Variants in VDR observed in about 807,000 individuals in gnomAD.
The protein encoded by VDR is vitamin D receptor.
Under a neutral mutation model 39.7 loss-of-function variants are expected in VDR, and 19 were observed. That is an observed-to-expected ratio of 0.48 (90% CI 0.33 to 0.70). VDR has a LOEUF of 0.70. Among genes scored for constraint, VDR ranks in the 30% least tolerant of loss-of-function variants. The pLI is 0.02. For missense variants in VDR, 442 were observed against 570.5 expected (o/e 0.77, Z 2.29); for synonymous variants, 242 against 215.8 (o/e 1.12, Z -1.07).
chr12:47,877,238 A>G (rs1946026449), intron 3 of VDR, among the ~76,000 whole-genome samples: 1 of 151,568 alleles, frequency 6.6e-6, no homozygotes, highest in South Asian at 2.1e-4. Flanking sequence ...AATCACACAA[A>G]CACACACACA....
chr12:47,857,496 A>T lies in VDR; in HGVS notation c.462+8T>A, dbSNP rs370124150. ...GGACCGGCTCATCCTCCCAGCAGGC[A>T]GACATACCCGGAACTGGCAGAAGTC... On this transcript the variant is annotated splice_region_variant and intron_variant, in intron 5 of 9. Coordinates refer to ENST00000549336, the MANE Select transcript of VDR (RefSeq NM_000376.3). The T allele has an allele frequency of 1.4e-5, 22 of 1,614,056 alleles. No homozygotes were observed. Among genetic ancestry groups the T allele is most frequent in the Non-Finnish European group, 1.9e-5 (22 of 1,180,042 alleles).
Position 47,844,851 on chromosome 12 carries a change from G to A in VDR, c.1179C>T (p.Leu393=). 1 of 1,614,218 alleles carries A rather than the reference G, an allele frequency of 6.2e-7. No individual in the cohort carries two copies. ...MIQKLADLRS[L]NEEHSKQYRC... The stretch of plus-strand genomic sequence containing the variant: ...GGTACTGCTTGGAGTGCTCCTCATT[G>A]AGGCTGCGCAGGTCGGCTAGCTTCT... Residue 393 remains leucine (L), a synonymous_variant, in exon 10 of 10, where the codon CTC becomes CTT. Transcript: ENST00000549336.
intron 4 of VDR, among the ~76,000 whole-genome samples, chr12:47,859,921 CTTT>C (rs67136609): frequency 0.023 from 1,534 of 67,332 alleles, 66 homozygotes; most frequent in East Asian, 0.086. Context: ...TTCCTTCTTT[CTTT>C]TTCTTTCTTT....
At chr12:47,882,623 G>GGCCCGGGGGCCCCCCCCC in intron 2 of VDR, 71 bp downstream of exon 2, 1 of 543,282 alleles carries the variant, frequency 1.8e-6, no homozygotes. Flanking sequence ...ACCTTCTTAT[G>GGCCCGGGGGCCCCCCCCC]CCCCTCCCCC....
chr12:47,859,632 C>T (rs930123618), intron 4 of VDR, among the ~76,000 whole-genome samples: 3 of 152,196 alleles, frequency 2.0e-5, no homozygotes, highest in Admixed American at 1.3e-4. Flanking sequence ...TGCTGAGCCT[C>T]ATTTCCTATG....
At chr12:47,859,849 C>T (rs1284054082) in intron 4 of VDR, among the ~76,000 whole-genome samples, 2 of 63,006 alleles carry the variant, frequency 3.2e-5, no homozygotes, top group African/African-American at 7.9e-5. Flanking sequence ...TCCCTTCCTT[C>T]CTTCCTTCCT....
In VDR at chr12:47,870,544, A is replaced by T. The variant is rs1322616999; in HGVS notation, c.147-5367T>A. On this transcript the variant is annotated intron_variant, in intron 3 of 9. Coordinates refer to ENST00000549336, the MANE Select transcript of VDR (RefSeq NM_000376.3). ...TCTAGAAAGCCAGGGGTGAGAGAGG[A>T]CATTGACCGATTCTCATGCCAGAGA... is the stretch of plus-strand genomic sequence containing the variant. Among the ~76,000 whole-genome samples the T allele has an allele frequency of 2.0e-5, 3 of 152,184 alleles. No individual in the cohort carries two copies. The East Asian group carries it at 5.8e-4, about 29-fold the overall frequency.
intron 3 of VDR, among the ~76,000 whole-genome samples, chr12:47,866,252 C>T (rs894184035): frequency 1.3e-5 from 2 of 151,936 alleles, no homozygotes; most frequent in Admixed American, 6.6e-5. Flanking sequence ...GGACTACAGG[C>T]GCCCACCACC....
At chr12:47,890,379 A>ATATATATTATGTATATAATATATATTT (rs1946346546) in intron 1 of VDR, among the ~76,000 whole-genome samples, 3 of 111,912 alleles carry the variant, frequency 2.7e-5, no homozygotes, top group East Asian at 2.2e-4. Flanking sequence ...TATATATTTT[A>ATATATATTATGTATATAATATATATTT]TATATATATA....
At chr12:47,864,203 C>CT (rs537559583) in intron 4 of VDR, among the ~76,000 whole-genome samples, 5 of 152,236 alleles carry the variant, frequency 3.3e-5, no homozygotes, top group Non-Finnish European at 5.9e-5. Flanking sequence ...GCTGGCCTTG[C>CT]TCCAGCCCAG....
At chr12:47,879,748 A>G (rs1234324749) in intron 2 of VDR, among the ~76,000 whole-genome samples, 2 of 152,126 alleles carry the variant, frequency 1.3e-5, no homozygotes, top group Non-Finnish European at 2.9e-5. Flanking sequence ...GACAATCAAC[A>G]TTTCAAGATA....
rs1438954203 is a variant in VDR, at chr12:47,844,321, C to T, written c.*425G>A. Reference sequence around the variant, plus strand: ...TCGTGAGTAGGCAGGAGAGGGAGACCCCACTAGGCGCTGGACAAGCGGGGC... The same window carrying T: ...TCGTGAGTAGGCAGGAGAGGGAGACTCCACTAGGCGCTGGACAAGCGGGGC... On this transcript the variant is annotated 3_prime_UTR_variant, in exon 10 of 10. Coordinates refer to ENST00000549336, the MANE Select transcript of VDR (RefSeq NM_000376.3). 2 of 284,864 alleles carry T rather than the reference C, an allele frequency of 7.0e-6. No individual in the cohort carries two copies. Among genetic ancestry groups the T allele is most frequent in the East Asian group, 1.6e-4 (2 of 12,252 alleles). The allele number at this position is 284,864 out of a possible 1,614,324, so 17.6% of individuals were successfully genotyped here. A position where few individuals can be genotyped will look rare whatever the true frequency, so the allele number is the denominator to read the frequency against.
At chr12:47,866,475 G>A (rs1945739513) in intron 3 of VDR, among the ~76,000 whole-genome samples, 1 of 152,230 alleles carries the variant, frequency 6.6e-6, no homozygotes, top group Non-Finnish European at 1.5e-5. Flanking sequence ...AAGTAAGGAT[G>A]CTAGTCTCAG....
chr12:47,870,793 C>A (rs966897383), intron 3 of VDR, among the ~76,000 whole-genome samples: 2 of 152,186 alleles, frequency 1.3e-5, no homozygotes, highest in Admixed American at 6.5e-5. Context: ...CAGGAACTAG[C>A]GAGAGCTCCT....
At chr12:47,892,841 G>A (rs1411791423) in intron 1 of VDR, among the ~76,000 whole-genome samples, 2 of 152,236 alleles carry the variant, frequency 1.3e-5, no homozygotes, top group Non-Finnish European at 2.9e-5. Context: ...TGAGAAAAGA[G>A]AAGAGAAGGC....
Position 47,877,830 on chromosome 12 carries a change from G to A in VDR, c.146+1138C>T, listed in dbSNP as rs774922802. Among the ~76,000 whole-genome samples, 13 of 152,290 alleles carry A rather than the reference G, an allele frequency of 8.5e-5. No homozygotes were observed. The Middle Eastern group carries it at 0.01, about 120-fold the overall frequency. Reference sequence around the variant, plus strand: ...CCCCGAGCTGGAGAGTAGGCTGCCGGGAAGCCAAGCGGGCAGCCAGTGCCA... The same window carrying A: ...CCCCGAGCTGGAGAGTAGGCTGCCGAGAAGCCAAGCGGGCAGCCAGTGCCA... On this transcript the variant is annotated intron_variant, in intron 3 of 9. Transcript: ENST00000549336.
In VDR at chr12:47,852,575, CAGT is replaced by C. The variant is rs1945408186; in HGVS notation, c.755+3052_755+3054del. ...ATCACTACAACCAAAATGTGCAATGCAGTAGGAGTGTCTCAGCACTGTCTGCCA... is the reference window on the plus strand; with the variant it reads ...ATCACTACAACCAAAATGTGCAATGCAGGAGTGTCTCAGCACTGTCTGCCA... On this transcript the variant is annotated intron_variant, in intron 7 of 9. Coordinates refer to ENST00000549336, the MANE Select transcript of VDR (RefSeq NM_000376.3). Among the ~76,000 whole-genome samples, 13 of 152,330 alleles carry C rather than the reference CAGT, an allele frequency of 8.5e-5. No homozygotes were observed. The South Asian group carries it at 2.7e-3, about 32-fold the overall frequency.
chr12:47,872,670 C>T (rs144093805), intron 3 of VDR, among the ~76,000 whole-genome samples: 145 of 152,336 alleles, frequency 9.5e-4, no homozygotes, highest in African/African-American at 3.3e-3. Flanking sequence ...CCTGGCCCAG[C>T]CCTTCCCTCT....
intron 4 of VDR, 63 bp from the exon 5 acceptor site, chr12:47,857,751 T>C: frequency 6.3e-7 from 1 of 1,576,928 alleles, no homozygotes; most frequent in Non-Finnish European, 8.6e-7. Flanking sequence ...ACCTTCCTCC[T>C]GCGGTTGGGG....
Sources: allele counts gnomAD v4.1 joint callset (sites outside exome capture counted in the v4.1 genomes callset), GRCh38; gene constraint gnomAD v4.1.1; transcripts MANE v1.5; gene names NCBI Gene and HGNC (gene_info 2026-07-23, HGNC 2026-07-21).